SVIL: variants seen among roughly 807,000 people sequenced by gnomAD.
SVIL encodes the protein archvillin.
SVIL carries 101 observed loss-of-function variants against 240.4 expected under a neutral mutation model. That is an observed-to-expected ratio of 0.42 (90% CI 0.36 to 0.50). SVIL has a LOEUF of 0.50. Ranked by LOEUF, SVIL falls within the 20% of genes least tolerant of loss-of-function variation. The probability of loss-of-function intolerance (pLI) is 0.01; values close to 1 mark genes in which losing one functional copy is unlikely to be tolerated. For synonymous variants in SVIL, 999 were observed against 1,100.0 expected, an observed-to-expected ratio of 0.91 and a Z score of 1.82; for missense variants, 2,512 against 2,818.7, an observed-to-expected ratio of 0.89 and a Z score of 2.46.
At chr10:29,481,389 G>GT (rs1374207015) in intron 28 of SVIL, among the ~76,000 whole-genome samples, 195 bp downstream of exon 28, 1 of 151,974 alleles carries the variant, frequency 6.6e-6, no homozygotes, top group African/African-American at 2.4e-5. Flanking sequence ...GCACAGTGGG[G>GT]TGACTGTTTT....
intron 17 of SVIL, among the ~76,000 whole-genome samples, chr10:29,505,640 CCA>C (rs1490369167): frequency 6.6e-6 from 1 of 152,056 alleles, no homozygotes; most frequent in Non-Finnish European, 1.5e-5. Context: ...AAAGAATGGA[CCA>C]CACCAAAAGT....
At position 29,602,203 on chromosome 10, in the gene SVIL, A is replaced by G. The variant is rs375279709; in HGVS notation, c.-201+32217T>C. The G allele has an allele frequency of 1.3e-4, 69 of 515,604 alleles. 2 individuals are homozygous for G. Among genetic ancestry groups the G allele is most frequent in the African/African-American group, 1.1e-3 (58 of 51,448 alleles). 31.9% of individuals were successfully genotyped at this position (515,604 alleles called of 1,614,324 possible). A position where few individuals can be genotyped will look rare whatever the true frequency, so the allele number is the denominator to read the frequency against. On this transcript the variant is annotated intron_variant, in intron 1 of 37. Coordinates refer to ENST00000355867, the MANE Select transcript of SVIL (RefSeq NM_021738.3). ...ACAAAAGAGTTCTGATCATTTTGCA[A>G]TGACTTAGGAGAAACTTAATGATGT... is the stretch of plus-strand genomic sequence containing the variant.
chr10:29,693,405 C>T (rs1036371838), intron 1 of SVIL, among the ~76,000 whole-genome samples: 8 of 152,182 alleles, frequency 5.3e-5, no homozygotes, highest in African/African-American at 1.9e-4. Context: ...CCTTCACAGG[C>T]ACGCATACAT....
chr10:29,606,548 T>C (rs1213939722), intron 1 of SVIL, among the ~76,000 whole-genome samples: 1 of 152,196 alleles, frequency 6.6e-6, no homozygotes, highest in Non-Finnish European at 1.5e-5. Context: ...TACCTCTATA[T>C]ACTTCAATAT....
chr10:29,533,585 A>T, intron 7 of SVIL, 127 bp from the exon 8 acceptor site: 1 of 1,420,970 alleles, frequency 7.0e-7, no homozygotes, highest in African/African-American at 1.4e-5. Context: ...GTGAAAAAGC[A>T]TTTTGGTGTC....
chr10:29,632,798 C>G (rs527763142), intron 1 of SVIL, among the ~76,000 whole-genome samples: 1 of 151,998 alleles, frequency 6.6e-6, no homozygotes, highest in South Asian at 2.1e-4. Context: ...TGTATAACAT[C>G]AGCCTCATCC....
At chr10:29,616,351 T>C (rs1450013640) in intron 1 of SVIL, among the ~76,000 whole-genome samples, 1 of 152,208 alleles carries the variant, frequency 6.6e-6, no homozygotes, top group Admixed American at 6.5e-5. Context: ...TTTCCATTTT[T>C]AAGACAAAAG....
chr10:29,615,122 C>G (rs1957384009), intron 1 of SVIL, among the ~76,000 whole-genome samples: 1 of 152,110 alleles, frequency 6.6e-6, no homozygotes, highest in Non-Finnish European at 1.5e-5. Context: ...CACAGTCAGA[C>G]TTGAGGTTAG....
intron 1 of SVIL, among the ~76,000 whole-genome samples, chr10:29,624,428 C>T (rs891804896): frequency 1.3e-5 from 2 of 152,126 alleles, no homozygotes; most frequent in African/African-American, 2.4e-5. Context: ...ATCCCAGCTA[C>T]TCAGGAGGCT....
chr10:29,637,457 C>A (rs961408214), upstream of SVIL, among the ~76,000 whole-genome samples: 1 of 152,180 alleles, frequency 6.6e-6, no homozygotes, highest in Non-Finnish European at 1.5e-5. Context: ...CATGCCACTG[C>A]ACTCCAGCCT....
intron 1 of SVIL, among the ~76,000 whole-genome samples, chr10:29,717,136 G>A (rs1263591865): frequency 6.7e-6 from 1 of 150,234 alleles, no homozygotes; most frequent in Non-Finnish European, 1.5e-5. Context: ...GGGAGGCTGA[G>A]GCAGGAGAAT....
intron 20 of SVIL, 117 bp downstream of exon 20, chr10:29,494,797 G>A (rs1413680871): frequency 1.7e-5 from 16 of 943,392 alleles, no homozygotes; most frequent in Non-Finnish European, 2.6e-5. Context: ...GTGAATCAGG[G>A]CTTGTTTCTC....
intron 1 of SVIL, among the ~76,000 whole-genome samples, chr10:29,621,849 AAC>A (rs1178200540): frequency 1.3e-5 from 2 of 151,562 alleles, no homozygotes; most frequent in South Asian, 4.2e-4. Flanking sequence ...CACACATACA[AAC>A]ACACACAATC....
intron 29 of SVIL, among the ~76,000 whole-genome samples, chr10:29,474,224 G>T (rs1225916820): frequency 6.6e-6 from 1 of 152,190 alleles, no homozygotes; most frequent in Non-Finnish European, 1.5e-5. Flanking sequence ...AAAGGGATCT[G>T]AGGGGCCCTC....
Position 29,609,246 on chromosome 10 carries a change from G to A in SVIL, c.-201+25174C>T, listed in dbSNP as rs181431016. Among the ~76,000 whole-genome samples, 946 of 152,342 alleles carry A rather than the reference G, an allele frequency of 6.2e-3. 10 individuals carry two copies. The highest frequency in any genetic ancestry group is 0.014 in the Middle Eastern group (4 of 294). Reference sequence around the variant, plus strand: ...GCTGTAACATGTTCTTGACCAGCTCGCTGAGCTGTGGGTGGTGACATGCTC... The same window carrying A: ...GCTGTAACATGTTCTTGACCAGCTCACTGAGCTGTGGGTGGTGACATGCTC... On this transcript the variant is annotated intron_variant, in intron 1 of 37. Coordinates refer to ENST00000355867, the MANE Select transcript of SVIL (RefSeq NM_021738.3).
Position 29,490,691 on chromosome 10 carries a change from C to T in SVIL, c.4192+156G>A, listed in dbSNP as rs74130727. ...ATGAAAAATCTTTAAAGTCTAGGTG[C>T]GTGCACATGTATGTGCAAACTTACT... On this transcript the variant is annotated intron_variant, in intron 22 of 37. Transcript: ENST00000355867. Among the ~76,000 whole-genome samples the T allele has an allele frequency of 0.04, 6,036 of 152,072 alleles. 410 individuals are homozygous for T. The highest frequency in any genetic ancestry group is 0.14 in the African/African-American group (5,754 of 41,438).
intron 3 of SVIL, among the ~76,000 whole-genome samples, chr10:29,654,931 C>T (rs532055047): frequency 3.3e-5 from 5 of 152,108 alleles, no homozygotes; most frequent in Admixed American, 3.3e-4. Flanking sequence ...TTTTTCTATC[C>T]AGGCCCGGAG....
intron 1 of SVIL, among the ~76,000 whole-genome samples, chr10:29,579,361 C>G (rs935057604): frequency 6.6e-6 from 1 of 152,076 alleles, no homozygotes; most frequent in Non-Finnish European, 1.5e-5. Context: ...TGGCATGAAC[C>G]CCAGAGGTGG....
At chr10:29,568,799 A>G (rs1292375823) in intron 2 of SVIL, among the ~76,000 whole-genome samples, 1 of 137,454 alleles carries the variant, frequency 7.3e-6, no homozygotes, top group African/African-American at 3.5e-5. Context: ...GGATGGATGG[A>G]TGGATGGATG....
Sources: gnomAD v4.1 joint callset for allele counts (sites outside exome capture counted in the v4.1 genomes callset) on GRCh38, gnomAD v4.1.1 for gene constraint, MANE v1.5 for transcripts, NCBI Gene and HGNC (gene_info 2026-07-23, HGNC 2026-07-21) for gene names.